Variants in ATP11A observed in about 807,000 individuals in gnomAD.
ATP11A encodes the protein phospholipid-transporting ATPase IH.
A neutral mutation model predicts 154.4 loss-of-function variants in ATP11A; 81 were observed. The observed-to-expected ratio is 0.52, with a 90% CI of 0.44 to 0.63. ATP11A has a LOEUF of 0.63. Among genes scored for constraint, ATP11A ranks in the 30% least tolerant of loss-of-function variants. ATP11A has a pLI of 0.00. For synonymous variants in ATP11A, 623 were observed against 585.9 expected (o/e 1.06, Z -0.91); for missense variants, 1,316 against 1,474.3 (o/e 0.89, Z 1.76).
At chr13:112,726,556 G>A (rs928634249) in intron 1 of ATP11A, among the ~76,000 whole-genome samples, 1 of 152,190 alleles carries the variant, frequency 6.6e-6, no homozygotes, top group Non-Finnish European at 1.5e-5. Context: ...GGGGCCGTCT[G>A]GATGGCAGCT....
At position 112,793,679 on chromosome 13, in the gene ATP11A, C is replaced by A. The variant is rs536342309; in HGVS notation, c.162+8422C>A. Among the ~76,000 whole-genome samples, 167 of 152,352 alleles carry A rather than the reference C, an allele frequency of 1.1e-3. 1 individual carries two copies. The highest frequency in any genetic ancestry group is 3.8e-3 in the African/African-American group (159 of 41,582). On this transcript the variant is annotated intron_variant, in intron 2 of 29. Transcript: ENST00000375645. ...CCAAGCAGATGGGTGTCCGGCGTCC[C>A]CGCCTTTTTCAGGACTGTCAGGTGG...
intron 2 of ATP11A, among the ~76,000 whole-genome samples, chr13:112,794,290 C>G (rs972920863): frequency 6.6e-6 from 1 of 152,142 alleles, no homozygotes; most frequent in Admixed American, 6.5e-5. Flanking sequence ...AATTCAACAA[C>G]GATGAGCGAA....
At chr13:112,820,918 AG>A (rs1357004751) in intron 8 of ATP11A, among the ~76,000 whole-genome samples, 1 of 152,250 alleles carries the variant, frequency 6.6e-6, no homozygotes, top group Non-Finnish European at 1.5e-5. Flanking sequence ...TGAAATGCTT[AG>A]CTCCTTGTAA....
rs191887500 is a variant in ATP11A, at chr13:112,729,095, T to C, written c.39+38640T>C. ...GAGTCCAGGAAAGGATCCTGACGTCTTAAGAATCTGAGTGACAAAATCGGT... is the reference window on the plus strand; with the variant it reads ...GAGTCCAGGAAAGGATCCTGACGTCCTAAGAATCTGAGTGACAAAATCGGT... On this transcript the variant is annotated intron_variant, in intron 1 of 29. Coordinates refer to ENST00000375645, the MANE Select transcript of ATP11A (RefSeq NM_015205.3). 1.2e-3 allele frequency among the ~76,000 whole-genome samples: 188 copies of C among 152,318 alleles called. No individual in the cohort carries two copies. In the East Asian group the frequency reaches 0.013, roughly 10 times the overall value.
intron 1 of ATP11A, among the ~76,000 whole-genome samples, chr13:112,698,087 T>G (rs1324041094): frequency 6.6e-6 from 1 of 152,184 alleles, no homozygotes; most frequent in East Asian, 1.9e-4. Flanking sequence ...ACGGGCGCAC[T>G]CAGCAGCCTC....
intron 9 of ATP11A, 61 bp from the exon 10 acceptor site, chr13:112,824,283 C>T (rs1594801937): frequency 7.6e-7 from 1 of 1,320,872 alleles, no homozygotes; most frequent in East Asian, 2.3e-5. Flanking sequence ...CTGTGTGTAA[C>T]TCACCATAAG....
chr13:112,865,842 T>C (rs890019997), intron 25 of ATP11A, among the ~76,000 whole-genome samples: 4 of 152,250 alleles, frequency 2.6e-5, no homozygotes, highest in Non-Finnish European at 5.9e-5. Flanking sequence ...TGAGCCACCA[T>C]GCACGGCCAG....
chr13:112,866,214 G>A (rs1287225079), intron 25 of ATP11A, among the ~76,000 whole-genome samples: 2 of 152,170 alleles, frequency 1.3e-5, no homozygotes, highest in Non-Finnish European at 2.9e-5. Flanking sequence ...TTTTTGGAGT[G>A]CATTACAAAT....
chr13:112,693,820 C>T (rs1157141365), intron 1 of ATP11A, among the ~76,000 whole-genome samples: 7 of 152,180 alleles, frequency 4.6e-5, no homozygotes, highest in South Asian at 2.1e-4. Flanking sequence ...GGCATGGTGG[C>T]GGGTGCCTGT....
chr13:112,836,984 C>T (rs890493542), intron 16 of ATP11A, among the ~76,000 whole-genome samples: 3 of 152,208 alleles, frequency 2.0e-5, no homozygotes, highest in Non-Finnish European at 4.4e-5. Context: ...CACAGGTGGA[C>T]GACCTCGTCT....
chr13:112,789,000 T>C (rs936469213), intron 2 of ATP11A, among the ~76,000 whole-genome samples: 1 of 151,688 alleles, frequency 6.6e-6, no homozygotes, highest in Admixed American at 6.6e-5. Context: ...CATACTTAAT[T>C]CACATTGAGC....
In ATP11A at chr13:112,819,919, G is replaced by A. The variant is rs372436282; in HGVS notation, c.694G>A (p.Val232Ile). The A allele has an allele frequency of 7.4e-6, 12 of 1,613,568 alleles. No homozygotes were observed. Among genetic ancestry groups the A allele is most frequent in the African/African-American group, 2.7e-5 (2 of 74,922 alleles). ...DLYKFVGRIN[V>I]YSDLNDPVVR... ...CGCCAGGTTCGTGGGTCGCATCAAC[G>A]TTTACAGTGACCTGAATGACCCCGT... The change falls in exon 8 of 30, where the codon GTT becomes ATT. Residue 232 changes from valine (V) to isoleucine (I), a missense_variant. This residue lies in a region of ATP11A where 876 missense variants were observed against 1,006.8 expected (regional missense o/e 0.87). Coordinates refer to ENST00000375645, the MANE Select transcript of ATP11A (RefSeq NM_015205.3).
intron 1 of ATP11A, among the ~76,000 whole-genome samples, chr13:112,771,323 G>A (rs2077220437): frequency 2.6e-5 from 4 of 152,166 alleles, no homozygotes; most frequent in South Asian, 2.1e-4. Context: ...GAGGCAAGGC[G>A]TGCGCCAGGC....
intron 1 of ATP11A, among the ~76,000 whole-genome samples, chr13:112,739,897 T>C (rs1891357138): frequency 6.6e-6 from 1 of 152,158 alleles, no homozygotes; most frequent in African/African-American, 2.4e-5. Context: ...GTTGTATGAT[T>C]CTATTTATGT....
chr13:112,699,517 C>T (rs992570879), intron 1 of ATP11A, among the ~76,000 whole-genome samples: 2 of 152,170 alleles, frequency 1.3e-5, no homozygotes, highest in African/African-American at 4.8e-5. Context: ...CATCAGCTGG[C>T]TGCGCTTGGG....
chr13:112,882,313 A>G lies in ATP11A; in HGVS notation c.*447A>G, dbSNP rs1278769. On this transcript the variant is annotated 3_prime_UTR_variant, in exon 30 of 30. Coordinates refer to ENST00000375645, the MANE Select transcript of ATP11A (RefSeq NM_015205.3). The surrounding 1 kb of genome is among the most constrained non-coding windows in gnomAD (Gnocchi z 5.1). ...AGGCCTGTGTCTTCACCCACCTGCC[A>G]TCATTGGCCTTTGCTGTCACTGGGA... 0.76 allele frequency: 294,625 copies of G among 389,236 alleles called. 111,953 individuals are homozygous for G. Among genetic ancestry groups the G allele is most frequent in the Admixed American group, 0.79 (20,396 of 25,884 alleles). The allele number at this position is 389,236 out of a possible 1,614,324, so 24.1% of individuals were successfully genotyped here. A position where few individuals can be genotyped will look rare whatever the true frequency, so the allele number is the denominator to read the frequency against.
In ATP11A at chr13:112,746,981, A is replaced by G. The variant is rs968662096; in HGVS notation, c.40-38154A>G. ...TGATTTTTTTCTGTCATTGGCTTGC[A>G]TTGGCATAGTTTTTTTTTTTTTAAC... On this transcript the variant is annotated intron_variant, in intron 1 of 29. Coordinates refer to ENST00000375645, the MANE Select transcript of ATP11A (RefSeq NM_015205.3). The surrounding 1 kb of genome is among the most constrained non-coding windows in gnomAD (Gnocchi z 4.1). 1.4e-5 allele frequency: 2 copies of G among 145,548 alleles called. No homozygotes were observed. Among genetic ancestry groups the G allele is most frequent in the Non-Finnish European group, 3.0e-5 (2 of 67,234 alleles). 9.0% of individuals were successfully genotyped at this position (145,548 alleles called of 1,614,324 possible).
In ATP11A at chr13:112,807,553, T is replaced by A. The variant is rs1170757356; in HGVS notation, c.333+1260T>A. On this transcript the variant is annotated intron_variant, in intron 4 of 29. Transcript: ENST00000375645. The surrounding 1 kb of genome is among the most constrained non-coding windows in gnomAD (Gnocchi z 4.5). ...CTGCCTGTGACTCAGGCAGTTTAAC[T>A]CCTACCTGGGATAAGGCCTCACTTC... 6.6e-6 allele frequency among the ~76,000 whole-genome samples: 1 copy of A among 152,156 alleles called. No individual in the cohort carries two copies. The highest frequency in any genetic ancestry group is 1.5e-5 in the Non-Finnish European group (1 of 68,014).
chr13:112,748,876 C>T (rs1188208072), intron 1 of ATP11A, among the ~76,000 whole-genome samples: 1 of 152,208 alleles, frequency 6.6e-6, no homozygotes, highest in Non-Finnish European at 1.5e-5. Context: ...GGAGGAGCTT[C>T]GAGGTCATGC....
Sources: gnomAD v4.1 joint callset for allele counts (sites outside exome capture counted in the v4.1 genomes callset) on GRCh38, gnomAD v4.1.1 for gene constraint, gnomAD v4.1.1 regional missense constraint, Gnocchi (gnomAD v3.1) non-coding constraint, MANE v1.5 for transcripts, NCBI Gene and HGNC (gene_info 2026-07-23, HGNC 2026-07-21) for gene names.